CLCN7: variants seen among roughly 807,000 people sequenced by gnomAD.
CLCN7 encodes the protein H(+)/Cl(-) exchange transporter 7.
Under a neutral mutation model 102.1 loss-of-function variants are expected in CLCN7, and 60 were observed. That is an observed-to-expected ratio of 0.59 (90% CI 0.48 to 0.73). The LOEUF is 0.73. Among genes scored for constraint, CLCN7 ranks in the 30% least tolerant of loss-of-function variants. CLCN7 has a pLI of 0.00. For synonymous variants in CLCN7, 560 were observed against 490.5 expected (o/e 1.14, Z -1.87); for missense variants, 962 against 1,125.7 (o/e 0.85, Z 2.08).
At chr16:1,461,375 G>A in intron 4 of CLCN7, 30 bp downstream of exon 4, 1 of 1,543,738 alleles carries the variant, frequency 6.5e-7, no homozygotes, top group Non-Finnish European at 8.8e-7. Context: ...CCGCACCGTG[G>A]GGCCCTGCAG....
At position 1,457,519 on chromosome 16, in the gene CLCN7, ACGCG is replaced by A. The variant is rs1161395673; in HGVS notation, c.738+171_738+174del. 15 of 652,174 alleles carry A rather than the reference ACGCG, an allele frequency of 2.3e-5. No individual in the cohort carries two copies. Among genetic ancestry groups the A allele is most frequent in the African/African-American group, 7.2e-5 (4 of 55,300 alleles). 40.4% of individuals were successfully genotyped at this position (652,174 alleles called of 1,614,324 possible). A position where few individuals can be genotyped will look rare whatever the true frequency, so the allele number is the denominator to read the frequency against. ...ACCAGAAGGACCGGTGCTCAGAGACACGCGTGACGCGGCCCTTCCTGGAGACCAG... is the reference window on the plus strand; with the variant it reads ...ACCAGAAGGACCGGTGCTCAGAGACATGACGCGGCCCTTCCTGGAGACCAG... On this transcript the variant is annotated intron_variant, in intron 8 of 24. Transcript: ENST00000382745. This position sits in a 1 kb window ranked among gnomAD's most constrained non-coding sequence, Gnocchi z 5.4.
chr16:1,451,987 G>A, intron 15 of CLCN7: 10 of 457,102 alleles, frequency 2.2e-5, no homozygotes, highest in South Asian at 2.0e-4. Flanking sequence ...GGGTTAGCAG[G>A]ACCATGGGCT....
intron 3 of CLCN7, 48 bp downstream of exon 3, chr16:1,461,555 G>A (rs761208944): frequency 1.9e-6 from 3 of 1,609,730 alleles, no homozygotes; most frequent in Non-Finnish European, 2.5e-6. Flanking sequence ...TGGGCTGGCA[G>A]GGGGCAGAGG....
At chr16:1,455,494 C>A in intron 11 of CLCN7, 2 of 653,240 alleles carry the variant, frequency 3.1e-6, no homozygotes, top group South Asian at 3.5e-5. Flanking sequence ...GCTGGGTTCC[C>A]GGCTGTTTGA....
At position 1,449,869 on chromosome 16, in the gene CLCN7, A is replaced by G. The variant is rs116051577; in HGVS notation, c.1618-542T>C. 694 of 182,032 alleles carry G rather than the reference A, an allele frequency of 3.8e-3. 5 individuals are homozygous for G. Among genetic ancestry groups the G allele is most frequent in the African/African-American group, 0.015 (635 of 42,164 alleles). 11.3% of individuals were successfully genotyped at this position (182,032 alleles called of 1,614,324 possible). A position where few individuals can be genotyped will look rare whatever the true frequency, so the allele number is the denominator to read the frequency against. On this transcript the variant is annotated intron_variant, in intron 17 of 24. Coordinates refer to ENST00000382745, the MANE Select transcript of CLCN7 (RefSeq NM_001287.6). ...TTTACGGTATTTGAATCATGTTTCA[A>G]TTTTAAAAACCAAACCAAACCCTTG...
In CLCN7 at chr16:1,448,674, G is replaced by A. The variant is rs372691390; in HGVS notation, c.1883+7C>T. ...CTCCCCACCCACAGGTGTCCTGGGC[G>A]CTGTACCTGGCAGTGAGTGAGTGTG... On this transcript the variant is annotated splice_region_variant and intron_variant, in intron 20 of 24. Transcript: ENST00000382745. 810 of 1,612,382 alleles carry A rather than the reference G, an allele frequency of 5.0e-4. No homozygotes were observed. The highest frequency in any genetic ancestry group is 6.3e-4 in the Non-Finnish European group (742 of 1,179,928).
At chr16:1,458,202 G>A (rs1003108800) in intron 7 of CLCN7, among the ~76,000 whole-genome samples, 100 of 152,280 alleles carry the variant, frequency 6.6e-4, no homozygotes, top group African/African-American at 1.9e-4. Flanking sequence ...GCTGCTCCCC[G>A]CCCCCAGGGG....
intron 2 of CLCN7, among the ~76,000 whole-genome samples, chr16:1,464,818 G>A (rs1023875600): frequency 1.3e-5 from 2 of 152,336 alleles, no homozygotes; most frequent in Non-Finnish European, 2.9e-5. Flanking sequence ...CGAGGCCGGC[G>A]GGAGATGCCC....
At chr16:1,452,990 C>T in intron 14 of CLCN7, 97 bp from the exon 15 acceptor site, 1 of 1,484,718 alleles carries the variant, frequency 6.7e-7, no homozygotes, top group South Asian at 1.2e-5. Flanking sequence ...GGACACTGGG[C>T]CCGTGGTGCT....
intron 18 of CLCN7, 68 bp downstream of exon 18, chr16:1,449,208 A>C (rs1225372432): frequency 1.3e-6 from 2 of 1,571,016 alleles, no homozygotes; most frequent in Non-Finnish European, 1.7e-6. Flanking sequence ...CTAGCCCCGC[A>C]AGGACAGCCA....
intron 15 of CLCN7, 181 bp downstream of exon 15, chr16:1,452,574 G>C (rs149024574): frequency 3.1e-6 from 2 of 650,714 alleles, no homozygotes; most frequent in Non-Finnish European, 5.2e-6. Flanking sequence ...CACCTCAGCA[G>C]ACACCTGGCC....
chr16:1,452,366 A>G, intron 15 of CLCN7: 1 of 276,776 alleles, frequency 3.6e-6, no homozygotes, highest in South Asian at 4.5e-5. Flanking sequence ...ACCGTGTCAC[A>G]GTGCAGATGG....
intron 11 of CLCN7, 104 bp from the exon 12 acceptor site, chr16:1,455,354 G>A: frequency 1.2e-6 from 1 of 834,574 alleles, no homozygotes; most frequent in African/African-American, 1.7e-5. Context: ...CCGGGGCCAG[G>A]AGTCTGCAGA....
chr16:1,471,639 A>G (rs2142405417), intron 1 of CLCN7: 1 of 152,364 alleles, frequency 6.6e-6, no homozygotes, highest in East Asian at 1.9e-4. Context: ...TTCAGAGCGT[A>G]GTTTGTGACA....
intron 9 of CLCN7, among the ~76,000 whole-genome samples, chr16:1,456,817 G>A (rs2038842180): frequency 6.6e-6 from 1 of 150,732 alleles, no homozygotes. Flanking sequence ...CTCCAGCCTG[G>A]GCAACAGAGA....
chr16:1,446,107 G>A lies in CLCN7; in HGVS notation c.*524C>T. 2 of 596,854 alleles carry A rather than the reference G, an allele frequency of 3.4e-6. No individual in the cohort carries two copies. Among genetic ancestry groups the A allele is most frequent in the Non-Finnish European group, 6.0e-6 (2 of 335,944 alleles). The allele number at this position is 596,854 out of a possible 1,614,324, so 37.0% of individuals were successfully genotyped here. ...GCGGTCGCAGCCTCCAAACCCTGGT[G>A]CTACGAGTCCGTGCCTCAGGCCCAG... On this transcript the variant is annotated 3_prime_UTR_variant, in exon 25 of 25. Transcript: ENST00000382745.
chr16:1,450,505 C>T lies in CLCN7; in HGVS notation c.1609G>A (p.Gly537Arg), dbSNP rs776642923. ...CCTCCGGCCCCACTCACCGCCGCCC[C>T]CGTGAGGTAGGACAGGGAGATCCCA... ...LFGISLSYLT[G>R]AAIWADPGKY... Residue 537 changes from glycine (G) to arginine (R), a missense_variant, in exon 17 of 25, where the codon GGG (glycine) becomes AGG (arginine). Physicochemically the swap from Gly to Arg is moderately radical, Grantham distance 125 (BLOSUM62 -2). Transcript: ENST00000382745. The T allele has an allele frequency of 6.2e-7, 1 of 1,604,392 alleles. No homozygotes were observed. The highest frequency in any genetic ancestry group is 2.2e-5 in the East Asian group (1 of 44,486).
intron 16 of CLCN7, 28 bp from the exon 17 acceptor site, chr16:1,450,694 C>G (rs1425017946): frequency 2.2e-6 from 3 of 1,360,238 alleles, no homozygotes; most frequent in Non-Finnish European, 3.0e-6. Flanking sequence ...CTGACGGGGC[C>G]TCCACGACTC....
rs575602937 is a variant in CLCN7 at position 1,472,875 on chromosome 16, G to A, written c.141+1959C>T. On this transcript the variant is annotated intron_variant, in intron 1 of 24. Transcript: ENST00000382745. ...CCTCCTGGGCTCATGCGACTCCTCT[G>A]CCTCAGCCTCCCGAGCCAGTAGCTG... 3.6e-3 allele frequency among the ~76,000 whole-genome samples: 533 copies of A among 146,146 alleles called. 3 individuals carry two copies. Among genetic ancestry groups the A allele is most frequent in the South Asian group, 7.9e-3 (37 of 4,666 alleles).
Sources: gnomAD v4.1 joint callset for allele counts (sites outside exome capture counted in the v4.1 genomes callset) on GRCh38, gnomAD v4.1.1 for gene constraint, Gnocchi (gnomAD v3.1) non-coding constraint, MANE v1.5 for transcripts, NCBI Gene and HGNC (gene_info 2026-07-23, HGNC 2026-07-21) for gene names.